CSGALNACT1: variants seen among roughly 807,000 people sequenced by gnomAD.
CSGALNACT1 encodes chondroitin sulfate N-acetylgalactosaminyltransferase 1, also known as beta4GalNAcT-1.
In CSGALNACT1, 52 loss-of-function variants were observed where a neutral mutation model predicts 51.0. That is an observed-to-expected ratio of 1.02 (90% CI 0.82 to 1.29). The LOEUF (loss-of-function observed/expected upper bound fraction) is 1.29, where lower values mean the gene tolerates loss of function less well. Ranked by LOEUF, CSGALNACT1 falls within the 50% of genes most tolerant of loss-of-function variation. CSGALNACT1 has a pLI of 0.00. For synonymous variants in CSGALNACT1, 341 were observed against 254.4 expected (o/e 1.34, Z -3.24); for missense variants, 935 against 679.2 (o/e 1.38, Z -4.19).
chr8:19,534,666 A>T (rs930945359), intron 3 of CSGALNACT1, among the ~76,000 whole-genome samples: 2 of 152,174 alleles, frequency 1.3e-5, no homozygotes, highest in African/African-American at 4.8e-5. Flanking sequence ...GCAGACGGGA[A>T]TCGAAAACCG....
intron 1 of CSGALNACT1, among the ~76,000 whole-genome samples, chr8:19,624,233 T>A (rs113591036): frequency 0.015 from 2,223 of 152,244 alleles, 47 homozygotes; most frequent in African/African-American, 0.05. Context: ...GGGATTATTA[T>A]CTTGACTTTC....
At chr8:19,542,992 C>T (rs566665912) in intron 3 of CSGALNACT1, among the ~76,000 whole-genome samples, 1 of 152,184 alleles carries the variant, frequency 6.6e-6, no homozygotes, top group South Asian at 2.1e-4. Context: ...CTAGACTAAG[C>T]TACCAACAGT....
At chr8:19,405,227 C>T (rs1455611650) in exon 10 of CSGALNACT1, 7 of 451,978 alleles carry the variant, frequency 1.5e-5, no homozygotes, top group South Asian at 1.1e-4. Flanking sequence ...TTTGGTTAAT[C>T]TTGGGGAAAA....
chr8:19,566,018 T>C (rs1300751566), intron 3 of CSGALNACT1, among the ~76,000 whole-genome samples: 1 of 152,232 alleles, frequency 6.6e-6, no homozygotes, highest in East Asian at 1.9e-4. Context: ...GCTTCCACGT[T>C]GTAAATAGGA....
At chr8:19,437,807 G>C (rs917869829) in intron 6 of CSGALNACT1, among the ~76,000 whole-genome samples, 4 of 152,154 alleles carry the variant, frequency 2.6e-5, no homozygotes, top group South Asian at 2.1e-4. Context: ...GAATTGGGTA[G>C]ATTGATGACT....
intron 1 of CSGALNACT1, among the ~76,000 whole-genome samples, chr8:19,752,239 A>G (rs2065086521): frequency 6.7e-6 from 1 of 149,782 alleles, no homozygotes; most frequent in Middle Eastern, 3.6e-3. Context: ...ACACACATAT[A>G]TAACCTTTCC....
intron 8 of CSGALNACT1, among the ~76,000 whole-genome samples, chr8:19,412,943 C>T (rs1458328616): frequency 6.6e-6 from 1 of 152,130 alleles, no homozygotes; most frequent in Non-Finnish European, 1.5e-5. Context: ...AGTATGAAGA[C>T]AGAATGACTT....
chr8:19,573,069 C>G (rs1320765765), intron 3 of CSGALNACT1, among the ~76,000 whole-genome samples: 1 of 152,192 alleles, frequency 6.6e-6, no homozygotes, highest in Non-Finnish European at 1.5e-5. Flanking sequence ...GTGGGTTTTT[C>G]ACCTCCTGCC....
At chr8:19,572,664 T>C (rs2043276969) in intron 3 of CSGALNACT1, among the ~76,000 whole-genome samples, 1 of 152,220 alleles carries the variant, frequency 6.6e-6, no homozygotes, top group Admixed American at 6.5e-5. Flanking sequence ...TTTTTTCCTT[T>C]GGTTGGATAA....
intron 1 of CSGALNACT1, among the ~76,000 whole-genome samples, chr8:19,661,441 A>C (rs529343715): frequency 6.6e-6 from 1 of 152,210 alleles, no homozygotes; most frequent in Non-Finnish European, 1.5e-5. Context: ...AAAAACTCTC[A>C]ATGAAAAACT....
chr8:19,662,532 T>A (rs1468327224), intron 1 of CSGALNACT1, among the ~76,000 whole-genome samples: 1 of 152,236 alleles, frequency 6.6e-6, no homozygotes, highest in Non-Finnish European at 1.5e-5. Flanking sequence ...AATAATTGGA[T>A]GCAACCTAAA....
At chr8:19,565,331 G>A (rs1455877215) in intron 3 of CSGALNACT1, among the ~76,000 whole-genome samples, 1 of 152,136 alleles carries the variant, frequency 6.6e-6, no homozygotes, top group African/African-American at 2.4e-5. Flanking sequence ...AGTCTCCTCT[G>A]GCATAAACTG....
chr8:19,549,238 T>C (rs1350203884), intron 3 of CSGALNACT1, among the ~76,000 whole-genome samples: 1 of 152,142 alleles, frequency 6.6e-6, no homozygotes, highest in African/African-American at 2.4e-5. Flanking sequence ...CCAATCAATT[T>C]AACCATTACA....
rs780132944 is a variant in CSGALNACT1, at chr8:19,527,955, C to G, written c.-296-21825G>C. ...ACCGTAAGACTGAAGGAGATAAACT[C>G]AGGGAGAAAATCGAGTGGGAAGAAA... On this transcript the variant is annotated intron_variant, in intron 3 of 9. Transcript: ENST00000454498. Among the ~76,000 whole-genome samples the G allele has an allele frequency of 3.9e-5, 6 of 152,044 alleles. No individual in the cohort carries two copies. In the South Asian group the frequency reaches 1.2e-3, roughly 32 times the overall value.
chr8:19,512,831 T>C (rs537075271), intron 3 of CSGALNACT1, among the ~76,000 whole-genome samples: 8 of 152,320 alleles, frequency 5.3e-5, no homozygotes, highest in African/African-American at 9.6e-5. Context: ...TCAGGGACTT[T>C]AGGAAATCTG....
At chr8:19,426,716 G>C (rs1187079671) in intron 6 of CSGALNACT1, among the ~76,000 whole-genome samples, 1 of 152,142 alleles carries the variant, frequency 6.6e-6, no homozygotes, top group Non-Finnish European at 1.5e-5. Context: ...GTTACACAGA[G>C]TCATTTTTAT....
chr8:19,627,231 A>G (rs1350746817), intron 1 of CSGALNACT1, among the ~76,000 whole-genome samples: 3 of 152,126 alleles, frequency 2.0e-5, no homozygotes, highest in African/African-American at 7.2e-5. Context: ...GCAATCAACC[A>G]CTAATACACA....
chr8:19,514,309 G>A (rs1039494351), intron 3 of CSGALNACT1, among the ~76,000 whole-genome samples: 11 of 151,600 alleles, frequency 7.3e-5, no homozygotes, highest in Non-Finnish European at 1.3e-4. Context: ...ACAGGTACTG[G>A]CTCGGGTTTC....
chr8:19,687,223 C>T (rs954713091), upstream of CSGALNACT1, among the ~76,000 whole-genome samples: 2 of 152,126 alleles, frequency 1.3e-5, no homozygotes, highest in African/African-American at 4.8e-5. Flanking sequence ...TCTAGTTGGT[C>T]ATCCTACCAA....
Sources: gnomAD v4.1 joint callset for allele counts (sites outside exome capture counted in the v4.1 genomes callset) on GRCh38, gnomAD v4.1.1 for gene constraint, MANE v1.5 for transcripts, NCBI Gene and HGNC (gene_info 2026-07-23, HGNC 2026-07-21) for gene names.